ARID5B: variants seen among roughly 807,000 people sequenced by gnomAD.
The protein encoded by ARID5B is AT-rich interactive domain-containing protein 5B.
Under a neutral mutation model 97.2 loss-of-function variants are expected in ARID5B, and 13 were observed. The observed-to-expected ratio is 0.13, with a 90% CI of 0.09 to 0.21. The LOEUF (loss-of-function observed/expected upper bound fraction) is 0.21. Ranked by LOEUF, ARID5B falls within the 10% of genes least tolerant of loss-of-function variation. The pLI, the probability that ARID5B is intolerant of heterozygous loss-of-function variation, is 1.00. For synonymous variants in ARID5B, 556 were observed against 570.3 expected, an observed-to-expected ratio of 0.97 and a Z score of 0.36; for missense variants, 1,210 against 1,465.3, an observed-to-expected ratio of 0.83 and a Z score of 2.84.
At position 62,025,087 on chromosome 10, in the gene ARID5B, G is replaced by A. The variant is rs1298118857; in HGVS notation, c.733+24766G>A. 4 of 158,272 alleles carry A rather than the reference G, an allele frequency of 2.5e-5. No individual in the cohort carries two copies. In the East Asian group the frequency reaches 7.1e-4, roughly 28 times the overall value. 9.8% of individuals were successfully genotyped at this position (158,272 alleles called of 1,614,324 possible). Reference sequence around the variant, plus strand: ...TGATAGCCAGCTTTTAATTGGAATGGCCATAAACATTGTAATTAATCAACT... The same window carrying A: ...TGATAGCCAGCTTTTAATTGGAATGACCATAAACATTGTAATTAATCAACT... On this transcript the variant is annotated intron_variant, in intron 4 of 9. Coordinates refer to ENST00000279873, the MANE Select transcript of ARID5B (RefSeq NM_032199.3).
At chr10:62,011,783 G>A (rs150234595) in intron 4 of ARID5B, among the ~76,000 whole-genome samples, 54 of 152,318 alleles carry the variant, frequency 3.5e-4, no homozygotes, top group African/African-American at 1.2e-3. Context: ...GTGGCTACAC[G>A]TTAGCAGAGT....
intron 4 of ARID5B, among the ~76,000 whole-genome samples, chr10:62,011,975 A>C (rs1839223474): frequency 6.6e-6 from 1 of 151,816 alleles, no homozygotes; most frequent in Admixed American, 6.6e-5. Context: ...CCCCTCCTTC[A>C]TCCCCTTAGT....
chr10:62,031,005 G>C (rs768891094), intron 4 of ARID5B, among the ~76,000 whole-genome samples: 23 of 152,200 alleles, frequency 1.5e-4, no homozygotes, highest in Non-Finnish European at 2.5e-4. Context: ...TGAGGCCAAG[G>C]CAGGTGGATC....
intron 4 of ARID5B, among the ~76,000 whole-genome samples, chr10:62,028,732 G>A (rs543481930): frequency 1.7e-4 from 26 of 152,210 alleles, no homozygotes; most frequent in South Asian, 1.2e-3. Context: ...AGGACGAGGC[G>A]GATGGATCAC....
At chr10:62,049,334 C>G (rs1402132205) in intron 4 of ARID5B, 10 of 1,518,950 alleles carry the variant, frequency 6.6e-6, no homozygotes, top group Non-Finnish European at 8.8e-6. Context: ...GAGTTGTAAG[C>G]AGAGCGCTGA....
intron 5 of ARID5B, among the ~76,000 whole-genome samples, chr10:62,051,743 G>C (rs1261784214): frequency 6.6e-6 from 1 of 152,162 alleles, no homozygotes; most frequent in African/African-American, 2.4e-5. Context: ...GCTTGGGTCA[G>C]ATTTCCATGG....
At chr10:61,905,574 AG>A (rs1171984078) in intron 2 of ARID5B, among the ~76,000 whole-genome samples, 2 of 152,154 alleles carry the variant, frequency 1.3e-5, no homozygotes, top group African/African-American at 2.4e-5. Flanking sequence ...GGTTTGTCAA[AG>A]GTCACCAGGC....
At chr10:62,077,252 C>T (rs1840149947) in intron 8 of ARID5B, among the ~76,000 whole-genome samples, 1 of 152,182 alleles carries the variant, frequency 6.6e-6, no homozygotes, top group Non-Finnish European at 1.5e-5. Context: ...GCTCTGATAA[C>T]TTTCCAATGC....
intron 4 of ARID5B, among the ~76,000 whole-genome samples, chr10:62,033,513 T>A (rs1564632520): frequency 2.0e-5 from 3 of 152,244 alleles, no homozygotes. Flanking sequence ...AGATGCCTTT[T>A]GTCAAATAAG....
intron 7 of ARID5B, among the ~76,000 whole-genome samples, chr10:62,066,554 C>G (rs757790263): frequency 6.6e-6 from 1 of 152,190 alleles, no homozygotes; most frequent in Non-Finnish European, 1.5e-5. Flanking sequence ...CCAGAACTTA[C>G]TAAGTGCTAG....
chr10:62,079,658 T>C (rs4948502), intron 8 of ARID5B, among the ~76,000 whole-genome samples: 50,419 of 152,052 alleles, frequency 0.33, 9,237 homozygotes, highest in Non-Finnish European at 0.42. Context: ...CTGTGTCCAG[T>C]ACCACGTACC....
intron 4 of ARID5B, among the ~76,000 whole-genome samples, chr10:62,003,139 C>G (rs550973624): frequency 6.6e-6 from 1 of 151,922 alleles, no homozygotes; most frequent in East Asian, 1.9e-4. Flanking sequence ...CTATTAAATG[C>G]GATTATGGAG....
At chr10:61,926,100 C>A (rs1266492527) in intron 2 of ARID5B, among the ~76,000 whole-genome samples, 2 of 152,216 alleles carry the variant, frequency 1.3e-5, no homozygotes, top group South Asian at 2.1e-4. Flanking sequence ...TAAATCTTAG[C>A]ACATACTTCA....
In ARID5B at chr10:62,057,171, A is replaced by G. The variant is rs199741541; in HGVS notation, c.901A>G (p.Lys301Glu). 6.2e-7 allele frequency: 1 copy of G among 1,613,808 alleles called. No homozygotes were observed. The highest frequency in any genetic ancestry group is 1.3e-5 in the African/African-American group (1 of 74,976). The change falls in exon 6 of 10, where the codon AAA becomes GAA. Residue 301 changes from lysine to glutamate, a missense_variant. By Grantham distance (56) the Lys-to-Glu change is moderately conservative. Coordinates refer to ENST00000279873, the MANE Select transcript of ARID5B (RefSeq NM_032199.3). ...LTKPKNNHNC[K>E]KVSNEEKPKV... ...CAAGCCGAAGAATAACCATAACTGT[A>G]AAAAAGTCTCAAATGAAGAAAAACC...
intron 7 of ARID5B, among the ~76,000 whole-genome samples, chr10:62,064,795 G>A (rs1469730731): frequency 6.6e-6 from 1 of 151,850 alleles, no homozygotes; most frequent in Non-Finnish European, 1.5e-5. Flanking sequence ...TGTTTGAGGC[G>A]GAGTCCCTCT....
At position 62,017,147 on chromosome 10, in the gene ARID5B, C is replaced by T. The variant is rs1045050066; in HGVS notation, c.733+16826C>T. 3.9e-5 allele frequency among the ~76,000 whole-genome samples: 6 copies of T among 152,148 alleles called. No individual in the cohort carries two copies. The South Asian group carries it at 6.2e-4, about 16-fold the overall frequency. On this transcript the variant is annotated intron_variant, in intron 4 of 9. Transcript: ENST00000279873. ...ACAAATTGTCCCTTATGTCTACATACGTTTGTATATTCATATAAACTGCCC... is the reference window on the plus strand; with the variant it reads ...ACAAATTGTCCCTTATGTCTACATATGTTTGTATATTCATATAAACTGCCC...
At chr10:61,940,139 C>A (rs1396986463) in intron 2 of ARID5B, 44 bp from the exon 3 acceptor site, 2 of 1,588,838 alleles carry the variant, frequency 1.3e-6, no homozygotes, top group African/African-American at 1.3e-5. Flanking sequence ...TTCCCTCAAA[C>A]CTATAAATAA....
chr10:62,093,779 T>A lies in ARID5B; in HGVS notation c.*749T>A, dbSNP rs545701212. 15 of 233,102 alleles carry A rather than the reference T, an allele frequency of 6.4e-5. No homozygotes were observed. The highest frequency in any genetic ancestry group is 2.9e-4 in the African/African-American group (13 of 45,328). The allele number at this position is 233,102 out of a possible 1,614,324, so 14.4% of individuals were successfully genotyped here. A position where few individuals can be genotyped will look rare whatever the true frequency, so the allele number is the denominator to read the frequency against. On this transcript the variant is annotated 3_prime_UTR_variant, in exon 10 of 10. Transcript: ENST00000279873. ...GTTGTGTGTTTGTAATTTTTCCACATCTTATTTTGAGCAGCTTTGGGTGGT... is the reference window on the plus strand; with the variant it reads ...GTTGTGTGTTTGTAATTTTTCCACAACTTATTTTGAGCAGCTTTGGGTGGT...
At position 62,042,038 on chromosome 10, in the gene ARID5B, A is replaced by T. The variant is rs184975267; in HGVS notation, c.734-8850A>T. ...TTGTTTAAGAGGTTCTATCTGTACA[A>T]CCTTCAGAAATTGTGGAAATCAAAA... On this transcript the variant is annotated intron_variant, in intron 4 of 9. Coordinates refer to ENST00000279873, the MANE Select transcript of ARID5B (RefSeq NM_032199.3). Among the ~76,000 whole-genome samples the T allele has an allele frequency of 5.4e-3, 816 of 152,330 alleles. 24 individuals carry two copies. Among genetic ancestry groups the T allele is most frequent in the South Asian group, 1.7e-3 (8 of 4,824 alleles).
Sources: allele counts gnomAD v4.1 joint callset (sites outside exome capture counted in the v4.1 genomes callset), GRCh38; gene constraint gnomAD v4.1.1; transcripts MANE v1.5; gene names NCBI Gene and HGNC (gene_info 2026-07-23, HGNC 2026-07-21).